The following ROBO2 variants were observed in gnomAD, a reference collection of about 807,000 sequenced individuals.
ROBO2 encodes roundabout homolog 2.
ROBO2 carries 53 observed loss-of-function variants against 160.8 expected under a neutral mutation model. That is an observed-to-expected ratio of 0.33 (90% CI 0.26 to 0.41). The LOEUF (loss-of-function observed/expected upper bound fraction) is 0.41. ROBO2 is among the 10% of genes least tolerant of loss of function. The pLI, the probability that ROBO2 is intolerant of heterozygous loss-of-function variation, is 1.00. For missense variants in ROBO2, 1,577 were observed against 1,722.4 expected, an observed-to-expected ratio of 0.92 and a Z score of 1.49; for synonymous variants, 664 against 611.7, an observed-to-expected ratio of 1.09 and a Z score of -1.26.
At chr3:77,327,790 C>T (rs2065565601) in intron 2 of ROBO2, among the ~76,000 whole-genome samples, 1 of 152,050 alleles carries the variant, frequency 6.6e-6, no homozygotes. Flanking sequence ...TGGCTCATGC[C>T]TGTAATCCCA....
intron 2 of ROBO2, among the ~76,000 whole-genome samples, chr3:76,882,915 G>T (rs2148760040): frequency 6.6e-6 from 1 of 152,252 alleles, no homozygotes; most frequent in Admixed American, 6.5e-5. Flanking sequence ...AAATGGTTTT[G>T]GATTCAGTCT....
chr3:76,612,558 G>A (rs986770124), intron 2 of ROBO2, among the ~76,000 whole-genome samples: 2 of 152,054 alleles, frequency 1.3e-5, no homozygotes, highest in African/African-American at 4.8e-5. Context: ...TTGGGGTAGG[G>A]GACAAGGGGA....
chr3:76,623,888 C>T (rs1217161659), intron 2 of ROBO2, among the ~76,000 whole-genome samples: 2 of 152,074 alleles, frequency 1.3e-5, no homozygotes, highest in Non-Finnish European at 2.9e-5. Flanking sequence ...AAAATTTTTG[C>T]TCTTTCAATG....
chr3:76,655,439 C>CATAT lies in ROBO2; in HGVS notation c.110-442562_110-442559dup, dbSNP rs747521584. ...GTGTTTCTGTGTATGGATTTTTTTC[C>CATAT]ATATATATATATATATGGATTTTTT... On this transcript the variant is annotated intron_variant, in intron 2 of 26. Coordinates refer to the ROBO2 transcript ENST00000487694. Among the ~76,000 whole-genome samples the CATAT allele has an allele frequency of 2.5e-3, 146 of 57,780 alleles. 18 individuals carry two copies. The highest frequency in any genetic ancestry group is 4.1e-3 in the Non-Finnish European group (118 of 28,810). The allele number at this position is 57,780 out of a possible 152,430, so 37.9% of individuals were successfully genotyped here.
chr3:76,249,533 A>G (rs1403961598), intron 2 of ROBO2, among the ~76,000 whole-genome samples: 2 of 152,174 alleles, frequency 1.3e-5, no homozygotes, highest in East Asian at 1.9e-4. Context: ...TTATTTTGCA[A>G]TCTTACTTTT....
intron 2 of ROBO2, among the ~76,000 whole-genome samples, chr3:76,028,255 T>TGA (rs10662247): frequency 0.92 from 140,130 of 151,730 alleles, 65,430 homozygotes; most frequent in East Asian, 1. Flanking sequence ...AGAGCAAATA[T>TGA]GAGAGGATAA....
chr3:76,134,159 T>C (rs2071338284), intron 2 of ROBO2, among the ~76,000 whole-genome samples: 1 of 152,180 alleles, frequency 6.6e-6, no homozygotes, highest in Non-Finnish European at 1.5e-5. Context: ...TTTCAGAGCT[T>C]GTTTACATAG....
rs544851660 is a variant in ROBO2 at position 76,291,945 on chromosome 3, T to A, written c.109+354343T>A. Among the ~76,000 whole-genome samples, 6 of 152,252 alleles carry A rather than the reference T, an allele frequency of 3.9e-5. No individual in the cohort carries two copies. In the South Asian group the frequency reaches 1.2e-3, roughly 32 times the overall value. ...CTTTATGGCTGAGCATGTAGTCAAT[T>A]TTAAGGTATGTACTATGTGCAGATG... On this transcript the variant is annotated intron_variant, in intron 2 of 26. Transcript: ENST00000487694.
At chr3:76,405,771 G>A (rs1259413128) in intron 2 of ROBO2, among the ~76,000 whole-genome samples, 1 of 151,692 alleles carries the variant, frequency 6.6e-6, no homozygotes, top group East Asian at 1.9e-4. Context: ...CATATAAGTA[G>A]CTGATGGGAA....
intron 2 of ROBO2, among the ~76,000 whole-genome samples, chr3:76,952,474 G>C (rs1015056233): frequency 6.6e-6 from 1 of 151,866 alleles, no homozygotes; most frequent in Non-Finnish European, 1.5e-5. Flanking sequence ...AGTAGAGATG[G>C]GGTTTCACCA....
intron 2 of ROBO2, among the ~76,000 whole-genome samples, chr3:77,294,956 C>T (rs2061870377): frequency 6.6e-6 from 1 of 151,526 alleles, no homozygotes; most frequent in African/African-American, 2.4e-5. Context: ...AACGAGTAAG[C>T]TGAGGCTAGA....
At chr3:77,279,587 T>A (rs1472957115) in intron 2 of ROBO2, among the ~76,000 whole-genome samples, 1 of 152,158 alleles carries the variant, frequency 6.6e-6, no homozygotes, top group Admixed American at 6.5e-5. Context: ...TTGTGGTTGT[T>A]GTTTTAGTTA....
At chr3:77,648,198 T>C (rs2153726411) in exon 26 of ROBO2, 1 of 152,312 alleles carries the variant, frequency 6.6e-6, no homozygotes, top group Middle Eastern at 3.4e-3. Context: ...TTTAAATATC[T>C]CTTTATGAAG....
chr3:76,736,335 G>T (rs375699229), intron 2 of ROBO2, among the ~76,000 whole-genome samples: 1 of 59,988 alleles, frequency 1.7e-5, no homozygotes, highest in Admixed American at 1.7e-4. Flanking sequence ...GCCTACAAAC[G>T]TATCAGTAGA....
chr3:76,830,359 T>G, intron 2 of ROBO2, among the ~76,000 whole-genome samples: 1 of 152,176 alleles, frequency 6.6e-6, no homozygotes, highest in East Asian at 1.9e-4. Flanking sequence ...TTTTAACAGA[T>G]ATTGTTCTAA....
At chr3:77,423,456 G>A (rs948758737) in intron 2 of ROBO2, among the ~76,000 whole-genome samples, 2 of 152,280 alleles carry the variant, frequency 1.3e-5, no homozygotes, top group African/African-American at 4.8e-5. Context: ...AGGTTGAAAT[G>A]TATGAAATTG....
At chr3:76,087,915 A>C (rs2069079823) in intron 2 of ROBO2, among the ~76,000 whole-genome samples, 1 of 152,072 alleles carries the variant, frequency 6.6e-6, no homozygotes, top group Admixed American at 6.6e-5. Context: ...ATATTAACAC[A>C]CTAAAGACAA....
intron 2 of ROBO2, among the ~76,000 whole-genome samples, chr3:76,795,291 A>G (rs1306910312): frequency 6.6e-6 from 1 of 152,014 alleles, no homozygotes; most frequent in Non-Finnish European, 1.5e-5. Flanking sequence ...TGCTGCATCA[A>G]TTGACTCTTC....
At chr3:76,027,890 A>G (rs2066795877) in intron 2 of ROBO2, among the ~76,000 whole-genome samples, 1 of 151,980 alleles carries the variant, frequency 6.6e-6, no homozygotes, top group Admixed American at 6.6e-5. Context: ...TATGTTAGGA[A>G]TACTTTAGAC....
Sources: allele counts gnomAD v4.1 joint callset (sites outside exome capture counted in the v4.1 genomes callset), GRCh38; gene constraint gnomAD v4.1.1; transcripts MANE v1.5; gene names NCBI Gene and HGNC (gene_info 2026-07-23, HGNC 2026-07-21).